The following CEP85L variants were observed in gnomAD, a reference collection of about 807,000 sequenced individuals.
CEP85L encodes centrosomal protein of 85 kDa-like.
CEP85L carries 60 observed loss-of-function variants against 100.3 expected under a neutral mutation model. The observed-to-expected ratio is 0.60, with a 90% CI of 0.49 to 0.74. CEP85L has a LOEUF of 0.74. Among genes scored for constraint, CEP85L ranks in the 30% least tolerant of loss-of-function variants. The pLI is 0.00. For synonymous variants in CEP85L, 319 were observed against 322.7 expected (o/e 0.99, Z 0.12); for missense variants, 973 against 936.2 (o/e 1.04, Z -0.51).
At chr6:118,473,819 G>A (rs1292079588) in intron 10 of CEP85L, among the ~76,000 whole-genome samples, 1 of 152,104 alleles carries the variant, frequency 6.6e-6, no homozygotes, top group East Asian at 1.9e-4. Flanking sequence ...GGTAAGTGAG[G>A]AGTCAAGGAT....
upstream of CEP85L, among the ~76,000 whole-genome samples, chr6:118,655,085 G>T (rs987237908): frequency 6.6e-6 from 1 of 152,184 alleles, no homozygotes; most frequent in African/African-American, 2.4e-5. Context: ...TGGGAGCCAA[G>T]TTCATAGAAA....
chr6:118,587,517 T>A (rs775939797), intron 2 of CEP85L, among the ~76,000 whole-genome samples: 26 of 152,162 alleles, frequency 1.7e-4, no homozygotes, highest in Non-Finnish European at 1.5e-4. Flanking sequence ...GAAACTAGTC[T>A]CCTTCTGGTT....
chr6:118,499,989 G>A (rs1038335637), intron 5 of CEP85L, among the ~76,000 whole-genome samples: 23 of 152,034 alleles, frequency 1.5e-4, no homozygotes, highest in African/African-American at 5.3e-4. Context: ...TTTATAAAAT[G>A]TCAAAAAGAA....
In CEP85L at chr6:118,462,438, G is replaced by T. The variant is rs1239276838; in HGVS notation, c.*2967C>A. On this transcript the variant is annotated 3_prime_UTR_variant, in exon 13 of 13. Coordinates refer to ENST00000368491, the MANE Select transcript of CEP85L (RefSeq NM_001042475.3). ...AATTTTATCTGTACAGGCAATTTGG[G>T]TCTTTCATTGAGTCAACTGTTACTT... 6.6e-6 allele frequency: 1 copy of T among 151,918 alleles called. No homozygotes were observed. The highest frequency in any genetic ancestry group is 1.5e-5 in the Non-Finnish European group (1 of 67,886). 9.4% of individuals were successfully genotyped at this position (151,918 alleles called of 1,614,324 possible). A position where few individuals can be genotyped will look rare whatever the true frequency, so the allele number is the denominator to read the frequency against.
intron 5 of CEP85L, chr6:118,502,079 T>C (rs959237493): frequency 1.2e-5 from 11 of 896,710 alleles, no homozygotes; most frequent in East Asian, 4.9e-5. Flanking sequence ...GATCCCATTG[T>C]AGGAGAGCCA....
At chr6:118,472,930 G>T (rs1009138519) in intron 10 of CEP85L, among the ~76,000 whole-genome samples, 1 of 152,120 alleles carries the variant, frequency 6.6e-6, no homozygotes, top group Non-Finnish European at 1.5e-5. Flanking sequence ...TTGTTTTAAC[G>T]TAAGTATCCA....
At chr6:118,562,900 A>C (rs1779303714) in intron 3 of CEP85L, among the ~76,000 whole-genome samples, 1 of 152,156 alleles carries the variant, frequency 6.6e-6, no homozygotes, top group African/African-American at 2.4e-5. Flanking sequence ...ATCCAAATGG[A>C]TACTGCCGTT....
intron 1 of CEP85L, among the ~76,000 whole-genome samples, chr6:118,675,036 C>T (rs564044899): frequency 8.1e-4 from 123 of 152,138 alleles, no homozygotes; most frequent in Non-Finnish European, 1.3e-3. Context: ...TTCATAATAG[C>T]CCAAAAATAG....
intron 2 of CEP85L, among the ~76,000 whole-genome samples, chr6:118,583,952 C>A (rs1440187792): frequency 6.6e-6 from 1 of 152,188 alleles, no homozygotes; most frequent in African/African-American, 2.4e-5. Context: ...ATGCCTTTTT[C>A]TGTACACCGT....
chr6:118,527,969 G>C (rs1031643830), intron 3 of CEP85L, among the ~76,000 whole-genome samples: 1 of 152,020 alleles, frequency 6.6e-6, no homozygotes, highest in African/African-American at 2.4e-5. Context: ...CTCTTCCAAA[G>C]ATCTAAAATA....
Position 118,483,750 on chromosome 6 carries a change from C to T in CEP85L, c.1546G>A (p.Ala516Thr). Residue 516 changes from alanine to threonine, a missense_variant, in exon 7 of 13, where the codon GCT becomes ACT. Ala to Thr is a moderately conservative substitution (Grantham distance 58). This residue lies in a region of CEP85L where 890 missense variants were observed against 844.5 expected (regional missense o/e 1.05). Transcript: ENST00000368491. ...RRIETLEKYL[A>T]DLPTLDDVQS... Reference sequence around the variant, plus strand: ...ACATCATCTAGAGTTGGAAGATCAGCCAGATACTTTTCCAAGGTCTCAATT... The same window carrying T: ...ACATCATCTAGAGTTGGAAGATCAGTCAGATACTTTTCCAAGGTCTCAATT... 6.2e-7 allele frequency: 1 copy of T among 1,613,772 alleles called. No individual in the cohort carries two copies. The highest frequency in any genetic ancestry group is 8.5e-7 in the Non-Finnish European group (1 of 1,179,844).
intron 1 of CEP85L, among the ~76,000 whole-genome samples, chr6:118,644,971 G>C (rs1440666612): frequency 6.6e-6 from 1 of 152,170 alleles, no homozygotes; most frequent in Non-Finnish European, 1.5e-5. Context: ...CTGCCTCATA[G>C]TAGGCACTCA....
intron 3 of CEP85L, among the ~76,000 whole-genome samples, chr6:118,542,186 T>C (rs981254840): frequency 6.6e-6 from 1 of 152,106 alleles, no homozygotes; most frequent in African/African-American, 2.4e-5. Flanking sequence ...ATAGTAAAAA[T>C]AAGACATTAA....
upstream of CEP85L, among the ~76,000 whole-genome samples, chr6:118,653,109 AC>A: frequency 6.6e-6 from 1 of 152,334 alleles, no homozygotes; most frequent in South Asian, 2.1e-4. Flanking sequence ...TTATTTCAAA[AC>A]TGCCAATTTC....
intron 4 of CEP85L, among the ~76,000 whole-genome samples, chr6:118,513,702 G>A (rs1177262503): frequency 6.6e-6 from 1 of 151,512 alleles, no homozygotes; most frequent in Non-Finnish European, 1.5e-5. Flanking sequence ...GATCTTTTTT[G>A]GAAACTTAAA....
In CEP85L at chr6:118,480,425, G is replaced by A. The variant is rs750507166; in HGVS notation, c.1834C>T (p.Leu612Phe). 50 of 1,610,230 alleles carry A rather than the reference G, an allele frequency of 3.1e-5. No individual in the cohort carries two copies. In the South Asian group the frequency reaches 5.2e-4, roughly 17 times the overall value. The change falls in exon 9 of 13, where the codon CTC becomes TTC. Residue 612 changes from leucine (L) to phenylalanine (F), a missense_variant. Leu to Phe is a conservative substitution (Grantham distance 22, BLOSUM62 0). Around this residue, in one of 3 missense-constraint regions of CEP85L, gnomAD observed 890 missense variants for 844.5 expected, o/e 1.05. Coordinates refer to ENST00000368491, the MANE Select transcript of CEP85L (RefSeq NM_001042475.3). ...AKQLQNENDN[L>F]RQQNETASKI... The stretch of plus-strand genomic sequence containing the variant: ...CTAGCAGTCTCATTTTGTTGTCTGA[G>A]ATTATCATTTTCATTCTGAAGCTGT...
At chr6:118,535,398 G>A (rs368343467) in intron 3 of CEP85L, among the ~76,000 whole-genome samples, 5 of 152,170 alleles carry the variant, frequency 3.3e-5, no homozygotes, top group African/African-American at 4.8e-5. Context: ...AGGGGCAAAA[G>A]GTAGCTTTCT....
At chr6:118,592,331 T>G (rs1329126329) in intron 2 of CEP85L, among the ~76,000 whole-genome samples, 2 of 94,930 alleles carry the variant, frequency 2.1e-5, no homozygotes, top group African/African-American at 8.2e-5. Context: ...CTCTAGGTCT[T>G]TTTTTTTTTT....
At chr6:118,476,311 T>C (rs552596581) in intron 10 of CEP85L, among the ~76,000 whole-genome samples, 144 of 152,106 alleles carry the variant, frequency 9.5e-4, no homozygotes, top group Non-Finnish European at 1.9e-3. Context: ...CTACTTTTCA[T>C]AGAAGGCATT....
Sources: allele counts gnomAD v4.1 joint callset (sites outside exome capture counted in the v4.1 genomes callset), GRCh38; gene constraint gnomAD v4.1.1; regional missense constraint gnomAD v4.1.1; transcripts MANE v1.5; gene names NCBI Gene and HGNC (gene_info 2026-07-23, HGNC 2026-07-21).